The following RASGRF1 variants were observed in gnomAD, a reference collection of about 807,000 sequenced individuals.
The protein encoded by RASGRF1 is ras-specific guanine nucleotide-releasing factor 1.
Under a neutral mutation model 138.7 loss-of-function variants are expected in RASGRF1, and 40 were observed. That is an observed-to-expected ratio of 0.29 (90% confidence interval 0.22 to 0.38). The LOEUF is 0.38. RASGRF1 is among the 10% of genes least tolerant of loss of function. The probability of loss-of-function intolerance (pLI) is 1.00; values close to 1 mark genes in which losing one functional copy is unlikely to be tolerated. For missense variants in RASGRF1, 1,108 were observed against 1,650.4 expected (o/e 0.67, Z 5.69); for synonymous variants, 614 against 663.2 (o/e 0.93, Z 1.14).
intron 1 of RASGRF1, chr15:79,064,778 C>G (rs1224013469): frequency 2.1e-6 from 1 of 465,512 alleles, no homozygotes; most frequent in Non-Finnish European, 3.8e-6. Context: ...AAGCCCTGTT[C>G]AACAACAAAT....
intron 11 of RASGRF1, 68 bp downstream of exon 11, chr15:79,019,973 C>A (rs1229344745): frequency 1.3e-6 from 2 of 1,582,126 alleles, no homozygotes; most frequent in Non-Finnish European, 1.7e-6. Flanking sequence ...CCTGGCCCAA[C>A]CTTTAGGAGT....
intron 20 of RASGRF1, among the ~76,000 whole-genome samples, chr15:78,995,220 C>T (rs561054426): frequency 1.4e-4 from 22 of 152,096 alleles, no homozygotes; most frequent in South Asian, 2.1e-4. Flanking sequence ...TGAGCCACCA[C>T]GCCTGGCCTC....
At chr15:79,075,361 G>A (rs56117790) in intron 1 of RASGRF1, among the ~76,000 whole-genome samples, 43,068 of 151,952 alleles carry the variant, frequency 0.28, 6,408 homozygotes, top group East Asian at 0.48. Flanking sequence ...TTGACCTGGC[G>A]GTGCCTGAGC....
At position 78,971,859 on chromosome 15, in the gene RASGRF1, A is replaced by G. The variant is rs1215542776; in HGVS notation, c.3681+7T>C. 1.3e-6 allele frequency: 2 copies of G among 1,568,840 alleles called. No individual in the cohort carries two copies. The highest frequency in any genetic ancestry group is 1.8e-6 in the Non-Finnish European group (2 of 1,138,812). On this transcript the variant is annotated splice_region_variant and intron_variant, in intron 26 of 26. Transcript: ENST00000558480. ...CATGCAAGTGACCAGGAAAAGGCAC[A>G]GCTTACCTTTGCTTGGTGCTCTATT...
intron 13 of RASGRF1, among the ~76,000 whole-genome samples, chr15:79,010,027 TGTTTG>T (rs1449454914): frequency 2.0e-5 from 3 of 146,396 alleles, no homozygotes; most frequent in African/African-American, 7.5e-5. Context: ...CCAGCCTCTT[TGTTTG>T]TTTTTTTTTT....
At chr15:78,984,878 C>T in intron 23 of RASGRF1, 129 bp downstream of exon 23, 2 of 998,318 alleles carry the variant, frequency 2.0e-6, no homozygotes, top group Non-Finnish European at 3.1e-6. Flanking sequence ...TTCTGTTTTA[C>T]CTGGGAGTGT....
intron 13 of RASGRF1, among the ~76,000 whole-genome samples, chr15:79,014,429 G>A (rs910352093): frequency 2.0e-5 from 3 of 152,188 alleles, no homozygotes; most frequent in African/African-American, 7.2e-5. Flanking sequence ...ATGAATTAAT[G>A]GCATTCACAG....
At chr15:78,990,616 T>A (rs1186398585) in intron 21 of RASGRF1, among the ~76,000 whole-genome samples, 2 of 152,226 alleles carry the variant, frequency 1.3e-5, no homozygotes. Flanking sequence ...TCTTGTTTTC[T>A]GACAGGGAGA....
chr15:79,047,966 C>T (rs1363540658), intron 4 of RASGRF1, among the ~76,000 whole-genome samples: 3 of 108,366 alleles, frequency 2.8e-5, no homozygotes, highest in African/African-American at 5.9e-5. Flanking sequence ...CTGCCCGAGG[C>T]CCAAGAGCTA....
At position 79,044,880 on chromosome 15, in the gene RASGRF1, G is replaced by T. The variant is rs79590038; in HGVS notation, c.878+1866C>A. 2.8e-4 allele frequency among the ~76,000 whole-genome samples: 42 copies of T among 152,206 alleles called. No homozygotes were observed. In the East Asian group the frequency reaches 8.1e-3, roughly 29 times the overall value. ...TCTGAACAACTTTTGAACAAATGCTGTGAGCTGGCATGAATATTCTCTACC... is the reference window on the plus strand; with the variant it reads ...TCTGAACAACTTTTGAACAAATGCTTTGAGCTGGCATGAATATTCTCTACC... On this transcript the variant is annotated intron_variant, in intron 5 of 26. Coordinates refer to ENST00000558480, the MANE Select transcript of RASGRF1 (RefSeq NM_001145648.3).
At chr15:79,074,777 G>A (rs1207676736) in intron 1 of RASGRF1, among the ~76,000 whole-genome samples, 3 of 152,202 alleles carry the variant, frequency 2.0e-5, no homozygotes, top group African/African-American at 7.2e-5. Context: ...TTTTGCTACA[G>A]AAGAGGCAAG....
chr15:79,022,259 G>C (rs112884081), intron 10 of RASGRF1, among the ~76,000 whole-genome samples: 40,510 of 152,030 alleles, frequency 0.27, 5,722 homozygotes, highest in African/African-American at 0.34. Context: ...GACCAACATG[G>C]TGAAACCCCG....
intron 1 of RASGRF1, among the ~76,000 whole-genome samples, chr15:79,087,327 GT>G (rs2057994468): frequency 6.6e-6 from 1 of 152,330 alleles, no homozygotes; most frequent in Admixed American, 6.5e-5. Flanking sequence ...CCAGCTTAGT[GT>G]GCATTTCCTG....
At chr15:79,005,730 CCTCCCT>C in intron 14 of RASGRF1, 1 of 557,094 alleles carries the variant, frequency 1.8e-6, no homozygotes, top group Non-Finnish European at 2.3e-6. Flanking sequence ...TCCCTCCCTC[CCTCCCT>C]CCCTCCCTCC....
Position 79,064,486 on chromosome 15 carries a change from G to A in RASGRF1, c.317C>T (p.Ala106Val), listed in dbSNP as rs150074507. The change falls in exon 2 of 27, where the codon GCC becomes GTC. Residue 106 changes from alanine (A) to valine (V), a missense_variant. Physicochemically the swap from Ala to Val is moderately conservative, Grantham distance 64. Coordinates refer to ENST00000558480, the MANE Select transcript of RASGRF1 (RefSeq NM_001145648.3). ...TGCGTCCTCTGTCCTCAGCTCCAAG[G>A]CTTTCTGGTTCTCATGGCTGAAGTT... ...TVNFSHENQK[A>V]LELRTEDAKD... 3.1e-6 allele frequency: 5 copies of A among 1,614,188 alleles called. No homozygotes were observed. In the East Asian group the frequency reaches 1.1e-4, roughly 36 times the overall value.
chr15:78,967,057 C>T (rs1368507734), intron 26 of RASGRF1, among the ~76,000 whole-genome samples: 1 of 152,100 alleles, frequency 6.6e-6, no homozygotes, highest in African/African-American at 2.4e-5. Flanking sequence ...AATCCCAGCT[C>T]TTTGGGAGGC....
intron 13 of RASGRF1, among the ~76,000 whole-genome samples, chr15:79,014,167 CACT>C (rs1228951671): frequency 6.6e-6 from 1 of 152,164 alleles, no homozygotes; most frequent in African/African-American, 2.4e-5. Context: ...CTAGCACAAC[CACT>C]ATGGAAATCA....
rs190600759 is a variant in RASGRF1, at chr15:79,031,210, C to T, written c.1262+190G>A. Among the ~76,000 whole-genome samples, 5 of 152,274 alleles carry T rather than the reference C, an allele frequency of 3.3e-5. No homozygotes were observed. The East Asian group carries it at 5.8e-4, about 18-fold the overall frequency. On this transcript the variant is annotated intron_variant, in intron 8 of 26. Coordinates refer to ENST00000558480, the MANE Select transcript of RASGRF1 (RefSeq NM_001145648.3). ...CACAGCACCCACTATTCCTGCCTAC[C>T]GGGGCTTGAGTTGTAACCCCCTCAG...
chr15:79,089,170 T>A (rs1342221119), intron 1 of RASGRF1, among the ~76,000 whole-genome samples: 1 of 152,166 alleles, frequency 6.6e-6, no homozygotes, highest in Non-Finnish European at 1.5e-5. Flanking sequence ...GCTGGGCAAG[T>A]GAATTTCTCT....
Sources: gnomAD v4.1 joint callset for allele counts (sites outside exome capture counted in the v4.1 genomes callset) on GRCh38, gnomAD v4.1.1 for gene constraint, MANE v1.5 for transcripts, NCBI Gene and HGNC (gene_info 2026-07-23, HGNC 2026-07-21) for gene names.